The following DAOA variants were observed in gnomAD, a reference collection of about 807,000 sequenced individuals.
The protein encoded by DAOA is D-amino acid oxidase regulator.
A neutral mutation model predicts 16.4 loss-of-function variants in DAOA; 15 were observed. That is an observed-to-expected ratio of 0.91 (90% CI 0.61 to 1.41). The LOEUF is 1.41. Ranked by LOEUF, DAOA falls within the 40% of genes most tolerant of loss-of-function variation. The pLI is 0.00. For missense variants in DAOA, 230 were observed against 176.8 expected (o/e 1.30, Z -1.71); for synonymous variants, 75 against 59.1 (o/e 1.27, Z -1.23).
chr13:105,477,572 A>G (rs1027939549), intron 4 of DAOA, among the ~76,000 whole-genome samples: 17 of 152,156 alleles, frequency 1.1e-4, no homozygotes, highest in African/African-American at 4.1e-4. Context: ...AAGAATTTAA[A>G]AATTAGCCAG....
At chr13:105,475,385 G>A (rs1249004337) in intron 4 of DAOA, among the ~76,000 whole-genome samples, 2 of 152,148 alleles carry the variant, frequency 1.3e-5, no homozygotes, top group African/African-American at 4.8e-5. Flanking sequence ...GATTTATCAG[G>A]TGGCTAAATG....
intron 4 of DAOA, among the ~76,000 whole-genome samples, chr13:105,475,775 T>C (rs1877285362): frequency 6.6e-6 from 1 of 152,162 alleles, no homozygotes; most frequent in Non-Finnish European, 1.5e-5. Context: ...ATCCAATCAT[T>C]TTTATTTAAA....
intron 3 of DAOA, among the ~76,000 whole-genome samples, chr13:105,472,022 T>C (rs932692058): frequency 1.3e-5 from 2 of 152,124 alleles, no homozygotes; most frequent in Non-Finnish European, 2.9e-5. Flanking sequence ...AAAATACTAA[T>C]ACAACTTAAG....
At chr13:105,488,751 T>A (rs1389236265) in intron 4 of DAOA, among the ~76,000 whole-genome samples, 1 of 152,174 alleles carries the variant, frequency 6.6e-6, no homozygotes, top group African/African-American at 2.4e-5. Context: ...TAGGTTAGGA[T>A]CAGGCCAAGT....
Position 105,490,121 on chromosome 13 carries a change from C to CA in DAOA, c.*42dup. On this transcript the variant is annotated 3_prime_UTR_variant, in exon 5 of 6. Transcript: ENST00000375936. ...TCTTCCCAGCCAATCCTTCTGATGA[C>CA]AATGTAGTCTGGCCAACATCTTCAC... The CA allele has an allele frequency of 5.2e-6, 8 of 1,527,578 alleles. No homozygotes were observed. The highest frequency in any genetic ancestry group is 7.1e-6 in the Non-Finnish European group (8 of 1,133,118). The allele number at this position is 1,527,578 out of a possible 1,614,324, so 94.6% of individuals were successfully genotyped here.
chr13:105,486,034 GC>G (rs1283787510), intron 4 of DAOA, among the ~76,000 whole-genome samples: 1 of 152,138 alleles, frequency 6.6e-6, no homozygotes, highest in African/African-American at 2.4e-5. Flanking sequence ...GCTCCTATGT[GC>G]CACCTGGTAT....
At chr13:105,480,094 A>C (rs1431826905) in intron 4 of DAOA, among the ~76,000 whole-genome samples, 1 of 152,194 alleles carries the variant, frequency 6.6e-6, no homozygotes, top group Non-Finnish European at 1.5e-5. Flanking sequence ...ATTTAATAAC[A>C]CATAGTATTT....
chr13:105,467,010 A>G, intron 2 of DAOA, 43 bp from the exon 3 acceptor site: 1 of 1,597,806 alleles, frequency 6.3e-7, no homozygotes, highest in East Asian at 2.3e-5. Flanking sequence ...TCTGCAGGGT[A>G]TAAAGGAATC....
At chr13:105,489,212 G>C (rs1389407469) in intron 4 of DAOA, among the ~76,000 whole-genome samples, 2 of 152,198 alleles carry the variant, frequency 1.3e-5, no homozygotes, top group Non-Finnish European at 2.9e-5. Context: ...TTGCATGTAA[G>C]ATGGATGTCA....
Position 105,490,020 on chromosome 13 carries a change from A to G in DAOA, c.401A>G (p.Tyr134Cys). The change falls in exon 5 of 6, where the codon TAC becomes TGC. Residue 134 changes from tyrosine (Y) to cysteine (C), a missense_variant. Coordinates refer to ENST00000375936, the MANE Select transcript of DAOA (RefSeq NM_172370.5). ...CTAGAACGAATGTGGACCTGCAACT[A>G]CAACCAGCAAAAAGACCAGTCATGC... ...QPLERMWTCN[Y>C]NQQKDQSCNH... The G allele has an allele frequency of 6.2e-7, 1 of 1,609,848 alleles. No homozygotes were observed. Among genetic ancestry groups the G allele is most frequent in the Non-Finnish European group, 8.5e-7 (1 of 1,177,970 alleles).
intron 4 of DAOA, among the ~76,000 whole-genome samples, chr13:105,475,502 C>A (rs932160212): frequency 6.8e-6 from 1 of 146,016 alleles, no homozygotes; most frequent in Non-Finnish European, 1.5e-5. Flanking sequence ...AGAGGAGTTA[C>A]GTTTTATGAG....
Position 105,490,190 on chromosome 13 carries a change from G to A in DAOA, c.*109G>A, listed in dbSNP as rs184876865. 1.9e-3 allele frequency: 2,298 copies of A among 1,206,000 alleles called. 50 individuals are homozygous for A. The highest frequency in any genetic ancestry group is 3.0e-4 in the Non-Finnish European group (281 of 950,130). The allele number at this position is 1,206,000 out of a possible 1,614,324, so 74.7% of individuals were successfully genotyped here. ...GTGTCTGGGACCCAGCTGATAACAC[G>A]TGGTAATATGTTTTATAAAATTATA... is the stretch of plus-strand genomic sequence containing the variant. On this transcript the variant is annotated splice_region_variant and 3_prime_UTR_variant, in exon 5 of 6. Transcript: ENST00000375936.
At chr13:105,480,545 T>TAGAC (rs1194460988) in intron 4 of DAOA, among the ~76,000 whole-genome samples, 1 of 150,890 alleles carries the variant, frequency 6.6e-6, no homozygotes, top group Non-Finnish European at 1.5e-5. Context: ...GATAGATAGA[T>TAGAC]AGATAGATAG....
intron 4 of DAOA, among the ~76,000 whole-genome samples, chr13:105,487,174 G>A (rs1878174675): frequency 6.6e-6 from 1 of 152,100 alleles, no homozygotes; most frequent in Non-Finnish European, 1.5e-5. Flanking sequence ...AATACCCGGA[G>A]TCTCACATAT....
At chr13:105,466,156 C>T (rs1876495870) in intron 1 of DAOA, 60 bp from the exon 2 acceptor site, 7 of 1,410,852 alleles carry the variant, frequency 5.0e-6, no homozygotes, top group African/African-American at 2.9e-5. Context: ...AGAGCTACAC[C>T]CCAAATTAGT....
At chr13:105,490,238 A>G in intron 5 of DAOA, 46 bp downstream of exon 5, 1 of 955,778 alleles carries the variant, frequency 1.0e-6, no homozygotes, top group Non-Finnish European at 1.3e-6. Flanking sequence ...TTTTTATGAA[A>G]TATAATTTTT....
At chr13:105,478,986 G>T (rs535241276) in intron 4 of DAOA, among the ~76,000 whole-genome samples, 1 of 152,202 alleles carries the variant, frequency 6.6e-6, no homozygotes, top group African/African-American at 2.4e-5. Context: ...TTTATTTGTT[G>T]ATTCATCCAT....
chr13:105,480,990 C>T (rs9583001), intron 4 of DAOA, among the ~76,000 whole-genome samples: 11,165 of 152,176 alleles, frequency 0.073, 551 homozygotes, highest in African/African-American at 0.14. Context: ...TTTACCAGTT[C>T]TCTGGGTATT....
intron 4 of DAOA, among the ~76,000 whole-genome samples, chr13:105,484,287 C>A (rs890141128): frequency 2.0e-5 from 3 of 151,630 alleles, no homozygotes; most frequent in Non-Finnish European, 4.4e-5. Flanking sequence ...CAGTTTTGTT[C>A]TTTTAGAAAA....
Sources: gnomAD v4.1 joint callset for allele counts (sites outside exome capture counted in the v4.1 genomes callset) on GRCh38, gnomAD v4.1.1 for gene constraint, MANE v1.5 for transcripts, NCBI Gene and HGNC (gene_info 2026-07-23, HGNC 2026-07-21) for gene names.